The following SLC16A12 variants were observed in gnomAD, a reference collection of about 807,000 sequenced individuals.
SLC16A12 encodes the protein solute carrier family 16 member 12, also known as monocarboxylate transporter 12.
SLC16A12 carries 17 observed loss-of-function variants against 42.4 expected under a neutral mutation model. The observed-to-expected ratio is 0.40, with a 90% CI of 0.27 to 0.60. The LOEUF (loss-of-function observed/expected upper bound fraction) is 0.60, where lower values mean the gene tolerates loss of function less well. Among genes scored for constraint, SLC16A12 ranks in the 20% least tolerant of loss-of-function variants. The pLI, the probability that SLC16A12 is intolerant of heterozygous loss-of-function variation, is 0.42. For synonymous variants in SLC16A12, 224 were observed against 229.4 expected (o/e 0.98, Z 0.21); for missense variants, 544 against 623.0 (o/e 0.87, Z 1.35).
chr10:89,533,461 G>A (rs2133874115), intron 2 of SLC16A12, among the ~76,000 whole-genome samples: 1 of 152,278 alleles, frequency 6.6e-6, no homozygotes, highest in Non-Finnish European at 1.5e-5. Context: ...GCAGTGCAAT[G>A]CAATGTTAAA....
At chr10:89,449,791 C>CA (rs1279194250) in intron 3 of SLC16A12, among the ~76,000 whole-genome samples, 1 of 152,144 alleles carries the variant, frequency 6.6e-6, no homozygotes, top group African/African-American at 2.4e-5. Context: ...TTCTGCACAG[C>CA]AAAAGAAACT....
chr10:89,443,934 G>T (rs1459876739), intron 3 of SLC16A12, 75 bp from the exon 4 acceptor site: 3 of 936,046 alleles, frequency 3.2e-6, no homozygotes, highest in East Asian at 2.5e-5. Context: ...AAAATGTTTG[G>T]TTCAATTAGC....
rs189967287 is a variant in SLC16A12 at position 89,458,436 on chromosome 10, T to C, written c.200+3943A>G. On this transcript the variant is annotated intron_variant, in intron 3 of 7. Transcript: ENST00000371790. ...GGCACTTTGGAGCTATCTACTTACTTCTTTTTTGGTGTACAGAGGACTTAA... is the reference window on the plus strand; with the variant it reads ...GGCACTTTGGAGCTATCTACTTACTCCTTTTTTGGTGTACAGAGGACTTAA... Among the ~76,000 whole-genome samples, 67 of 152,342 alleles carry C rather than the reference T, an allele frequency of 4.4e-4. 1 individual carries two copies. The highest frequency in any genetic ancestry group is 1.4e-3 in the African/African-American group (57 of 41,584).
chr10:89,518,457 C>T (rs1843293003), intron 2 of SLC16A12, among the ~76,000 whole-genome samples: 1 of 152,100 alleles, frequency 6.6e-6, no homozygotes, highest in Admixed American at 6.5e-5. Flanking sequence ...TTTGTACATG[C>T]AAGGAAGTTG....
intron 3 of SLC16A12, among the ~76,000 whole-genome samples, chr10:89,454,544 C>T (rs181038768): frequency 6.6e-6 from 1 of 152,174 alleles, no homozygotes; most frequent in East Asian, 1.9e-4. Context: ...AGTGTGCCTC[C>T]TTTCTGCGCA....
chr10:89,554,102 AGG>A (rs1843792198), intron 2 of SLC16A12, among the ~76,000 whole-genome samples: 1 of 140,270 alleles, frequency 7.1e-6, no homozygotes, highest in Non-Finnish European at 1.6e-5. Context: ...GAAAGAAAGA[AGG>A]AAGGAAGGAA....
In SLC16A12 at chr10:89,555,511, A is replaced by ATGTG. The variant is rs1224034287; in HGVS notation, c.-47+370_-47+371insCACA. On this transcript the variant is annotated intron_variant, in intron 2 of 2. Coordinates refer to the SLC16A12 transcript ENST00000475682. ...CGTATATATACGTATATACGTATAT[A>ATGTG]TATGTATATATGTGTATATATACGT... Among the ~76,000 whole-genome samples, 18 of 144,108 alleles carry ATGTG rather than the reference A, an allele frequency of 1.2e-4. No individual in the cohort carries two copies. The East Asian group carries it at 1.6e-3, about 13-fold the overall frequency. 94.5% of individuals were successfully genotyped at this position (144,108 alleles called of 152,430 possible).
At chr10:89,550,326 C>T (rs555913654) in intron 2 of SLC16A12, among the ~76,000 whole-genome samples, 1 of 152,272 alleles carries the variant, frequency 6.6e-6, no homozygotes, top group South Asian at 2.1e-4. Context: ...CGTGACCAGC[C>T]TGGCCAACAT....
chr10:89,470,837 G>A (rs1842480727), intron 2 of SLC16A12, among the ~76,000 whole-genome samples: 1 of 152,104 alleles, frequency 6.6e-6, no homozygotes, highest in African/African-American at 2.4e-5. Flanking sequence ...CCAATACTAG[G>A]AAAACCTCTG....
chr10:89,435,315 C>T lies in SLC16A12; in HGVS notation c.1288+745G>A, dbSNP rs765439936. Among the ~76,000 whole-genome samples, 49 of 152,186 alleles carry T rather than the reference C, an allele frequency of 3.2e-4. 1 individual carries two copies. Among genetic ancestry groups the T allele is most frequent in the Non-Finnish European group, 6.3e-4 (43 of 68,036 alleles). The stretch of plus-strand genomic sequence containing the variant: ...CCACTTTCTCGAATTTCCTTATTTT[C>T]TCAACCATGACATTATTTTCTAAGT... On this transcript the variant is annotated intron_variant, in intron 7 of 7. Coordinates refer to ENST00000371790, the MANE Select transcript of SLC16A12 (RefSeq NM_213606.4).
In SLC16A12 at chr10:89,432,942, A is replaced by C; in HGVS notation, c.*122T>G. 1 of 1,322,960 alleles carries C rather than the reference A, an allele frequency of 7.6e-7. No homozygotes were observed. The highest frequency in any genetic ancestry group is 1.5e-5 in the African/African-American group (1 of 67,072). The allele number at this position is 1,322,960 out of a possible 1,614,324, so 82.0% of individuals were successfully genotyped here. A position where few individuals can be genotyped will look rare whatever the true frequency, so the allele number is the denominator to read the frequency against. Reference sequence around the variant, plus strand: ...TTATAAATATTAATATGTTAACAAAACAATAATAATAATTTCCTTGGAAGG... The same window carrying C: ...TTATAAATATTAATATGTTAACAAACCAATAATAATAATTTCCTTGGAAGG... On this transcript the variant is annotated 3_prime_UTR_variant, in exon 8 of 8. Coordinates refer to ENST00000371790, the MANE Select transcript of SLC16A12 (RefSeq NM_213606.4).
chr10:89,433,217 C>T lies in SLC16A12; in HGVS notation c.1398G>A (p.Met466Ile), dbSNP rs769057139. Residue 466 changes from methionine (M) to isoleucine (I), a missense_variant, in exon 8 of 8, where the codon ATG becomes ATA. Transcript: ENST00000371790. ...LLGFARLIKR[M>I]RKTQLQFIAK... ...CAATGAACTGCAACTGGGTTTTTCT[C>T]ATTCTCTTTATAAGTCTAGCAAAGC... 8.4e-5 allele frequency: 136 copies of T among 1,614,092 alleles called. No individual in the cohort carries two copies. Among genetic ancestry groups the T allele is most frequent in the Non-Finnish European group, 1.0e-4 (123 of 1,180,044 alleles).
intron 3 of SLC16A12, among the ~76,000 whole-genome samples, chr10:89,450,016 T>C (rs1434234412): frequency 6.6e-6 from 1 of 152,182 alleles, no homozygotes; most frequent in Non-Finnish European, 1.5e-5. Flanking sequence ...AAAATGCTCA[T>C]CATCACTGGC....
At chr10:89,481,678 AGTGTGT>A (rs528666796) in intron 2 of SLC16A12, among the ~76,000 whole-genome samples, 12 of 143,896 alleles carry the variant, frequency 8.3e-5, no homozygotes, top group East Asian at 2.0e-4. Context: ...AGAGAGAGAG[AGTGTGT>A]GTGTGTGTGT....
In SLC16A12 at chr10:89,443,830, T is replaced by C; in HGVS notation, c.230A>G (p.Gln77Arg). 1 of 1,613,540 alleles carries C rather than the reference T, an allele frequency of 6.2e-7. No individual in the cohort carries two copies. Among genetic ancestry groups the C allele is most frequent in the Non-Finnish European group, 8.5e-7 (1 of 1,179,452 alleles). The change falls in exon 4 of 8, where the codon CAG (glutamine) becomes CGG (arginine). Residue 77 changes from glutamine to arginine, a missense_variant. Transcript: ENST00000371790. Reference sequence around the variant, plus strand: ...TGCGTAATCCTGAGTGAAGTATGTCTGGAACTCCACAAAAAAAATTGAGAT... The same window carrying C: ...TGCGTAATCCTGAGTGAAGTATGTCCGGAACTCCACAAAAAAAATTGAGAT... ...RCISIFFVEF[Q>R]TYFTQDYAQT...
chr10:89,532,730 T>A (rs1843575698), intron 2 of SLC16A12, among the ~76,000 whole-genome samples: 1 of 152,186 alleles, frequency 6.6e-6, no homozygotes, highest in Admixed American at 6.5e-5. Context: ...ACAATAAACA[T>A]GCCTGAGCTT....
At chr10:89,476,418 G>A (rs904391991) in intron 2 of SLC16A12, among the ~76,000 whole-genome samples, 17 of 152,084 alleles carry the variant, frequency 1.1e-4, no homozygotes, top group African/African-American at 3.9e-4. Flanking sequence ...GGAGTACTAC[G>A]GAGAACTGGT....
intron 2 of SLC16A12, among the ~76,000 whole-genome samples, chr10:89,490,169 T>C (rs1842825782): frequency 6.6e-6 from 1 of 152,196 alleles, no homozygotes; most frequent in South Asian, 2.1e-4. Flanking sequence ...AGCCTGAAGA[T>C]TGTAAAATCA....
chr10:89,459,871 G>A (rs1374434872), intron 3 of SLC16A12, among the ~76,000 whole-genome samples: 1 of 152,198 alleles, frequency 6.6e-6, no homozygotes, highest in Non-Finnish European at 1.5e-5. Context: ...AACCCGGGAG[G>A]CGGAGGTTGC....
Sources: gnomAD v4.1 joint callset for allele counts (sites outside exome capture counted in the v4.1 genomes callset) on GRCh38, gnomAD v4.1.1 for gene constraint, MANE v1.5 for transcripts, NCBI Gene and HGNC (gene_info 2026-07-23, HGNC 2026-07-21) for gene names.